ARHGAP24: variants seen among roughly 807,000 people sequenced by gnomAD.
ARHGAP24 encodes rho GTPase-activating protein 24.
In ARHGAP24, 50 loss-of-function variants were observed where a neutral mutation model predicts 76.4. The observed-to-expected ratio is 0.65, with a 90% CI of 0.52 to 0.83. ARHGAP24 has a LOEUF of 0.83. Ranked by LOEUF, ARHGAP24 falls within the 40% of genes least tolerant of loss-of-function variation. The pLI is 0.00. For missense variants in ARHGAP24, 930 were observed against 914.2 expected (o/e 1.02, Z -0.22); for synonymous variants, 345 against 323.3 (o/e 1.07, Z -0.72).
intron 5 of ARHGAP24, among the ~76,000 whole-genome samples, chr4:85,968,613 A>C (rs1164434320): frequency 6.6e-6 from 1 of 152,138 alleles, no homozygotes; most frequent in African/African-American, 2.4e-5. Context: ...GAAACGCCAG[A>C]CTTCCCCATT....
At chr4:85,743,759 G>A (rs1725922267) in intron 3 of ARHGAP24, among the ~76,000 whole-genome samples, 1 of 151,854 alleles carries the variant, frequency 6.6e-6, no homozygotes, top group South Asian at 2.1e-4. Context: ...TGTTATCCTG[G>A]CTCCCTCATT....
chr4:85,671,879 G>A (rs1328440794), intron 2 of ARHGAP24, among the ~76,000 whole-genome samples: 1 of 152,156 alleles, frequency 6.6e-6, no homozygotes, highest in East Asian at 1.9e-4. Context: ...TGGACACTGA[G>A]AAACCTCAAA....
intron 3 of ARHGAP24, among the ~76,000 whole-genome samples, chr4:85,880,682 T>C (rs2601852): frequency 0.99 from 151,112 of 152,210 alleles, 75,022 homozygotes; most frequent in Middle Eastern, 1. Context: ...GCGCCCAACA[T>C]CACGCCCGGC....
chr4:85,907,666 G>A (rs370131155), intron 3 of ARHGAP24, among the ~76,000 whole-genome samples: 13 of 152,234 alleles, frequency 8.5e-5, no homozygotes, highest in East Asian at 7.7e-4. Flanking sequence ...CTTATATTGG[G>A]ATTAGAAATT....
At chr4:85,888,070 G>GGT (rs1733665303) in intron 3 of ARHGAP24, among the ~76,000 whole-genome samples, 1 of 151,836 alleles carries the variant, frequency 6.6e-6, no homozygotes, top group Admixed American at 6.6e-5. Flanking sequence ...GGCCTCATTT[G>GGT]AATTTCTTTG....
Position 85,546,246 on chromosome 4 carries a change from C to A in ARHGAP24, c.-20-24276C>A, listed in dbSNP as rs1725916667. Among the ~76,000 whole-genome samples, 3 of 151,702 alleles carry A rather than the reference C, an allele frequency of 2.0e-5. No homozygotes were observed. The South Asian group carries it at 6.2e-4, about 32-fold the overall frequency. ...TATTATTTATTAAATAAATAAAAAT[C>A]ATATTTCTAACTGAAAGCAAAGAGA... On this transcript the variant is annotated intron_variant, in intron 1 of 9. Transcript: ENST00000395184.
chr4:85,580,798 G>A (rs1011556196), intron 2 of ARHGAP24, among the ~76,000 whole-genome samples: 1 of 152,110 alleles, frequency 6.6e-6, no homozygotes, highest in African/African-American at 2.4e-5. Flanking sequence ...TAGTGGTTCT[G>A]GCCACAGTGA....
intron 1 of ARHGAP24, among the ~76,000 whole-genome samples, chr4:85,504,375 G>A (rs1342530024): frequency 2.0e-5 from 3 of 152,124 alleles, no homozygotes; most frequent in Non-Finnish European, 4.4e-5. Context: ...GGTCACTCAG[G>A]ACTTGCTTTA....
intron 3 of ARHGAP24, among the ~76,000 whole-genome samples, chr4:85,764,233 T>A (rs1726843622): frequency 6.6e-6 from 1 of 152,100 alleles, no homozygotes; most frequent in African/African-American, 2.4e-5. Flanking sequence ...CAATTTTAAA[T>A]TTATTATCAT....
chr4:85,658,995 C>T (rs1466354578), intron 2 of ARHGAP24, among the ~76,000 whole-genome samples: 3 of 152,108 alleles, frequency 2.0e-5, no homozygotes, highest in Non-Finnish European at 2.9e-5. Context: ...GAGCCAAGTC[C>T]GTAGTAACTC....
At chr4:85,486,222 T>C (rs1279739449) in intron 1 of ARHGAP24, among the ~76,000 whole-genome samples, 2 of 152,092 alleles carry the variant, frequency 1.3e-5, no homozygotes, top group African/African-American at 4.8e-5. Flanking sequence ...TCATCAGCTG[T>C]GGTTTTGGGG....
chr4:85,827,516 G>C (rs1423009143), intron 3 of ARHGAP24, among the ~76,000 whole-genome samples: 1 of 126,626 alleles, frequency 7.9e-6, no homozygotes, highest in Non-Finnish European at 1.7e-5. Flanking sequence ...GTGTGTGTGT[G>C]TTTAGAGAGA....
intron 2 of ARHGAP24, among the ~76,000 whole-genome samples, chr4:85,691,923 C>T (rs2110018419): frequency 6.6e-6 from 1 of 152,198 alleles, no homozygotes; most frequent in Non-Finnish European, 1.5e-5. Flanking sequence ...TTTATAGTGT[C>T]TGTGGGCTAT....
At chr4:85,861,513 A>G (rs1731895633) in intron 3 of ARHGAP24, among the ~76,000 whole-genome samples, 2 of 152,088 alleles carry the variant, frequency 1.3e-5, no homozygotes. Flanking sequence ...AGTACCTGTC[A>G]TTCCAGAGGA....
chr4:85,867,898 C>CTT lies in ARHGAP24; in HGVS notation c.269-55750_269-55749insTT, dbSNP rs1732286383. ...TAAACATATATAATGTGTGTGTGTA[C>CTT]ATATATATATACATATATGTACACA... On this transcript the variant is annotated intron_variant, in intron 3 of 9. Coordinates refer to ENST00000395184, the MANE Select transcript of ARHGAP24 (RefSeq NM_001025616.3). Among the ~76,000 whole-genome samples the CTT allele has an allele frequency of 7.9e-4, 84 of 106,736 alleles. 1 individual carries two copies. In the South Asian group the frequency reaches 8.4e-3, roughly 11 times the overall value. 70.0% of individuals were successfully genotyped at this position (106,736 alleles called of 152,430 possible).
intron 8 of ARHGAP24, chr4:85,991,988 A>AGTG (rs755681028): frequency 1.5e-4 from 57 of 393,090 alleles, no homozygotes; most frequent in Non-Finnish European, 2.1e-4. Context: ...TATGATGAAA[A>AGTG]GTGCCTATTA....
chr4:85,634,253 C>T (rs1464252227), intron 2 of ARHGAP24, among the ~76,000 whole-genome samples: 1 of 151,716 alleles, frequency 6.6e-6, no homozygotes, highest in South Asian at 2.1e-4. Context: ...CTTAATATTC[C>T]ATAGAATTCC....
intron 1 of ARHGAP24, among the ~76,000 whole-genome samples, chr4:85,552,623 C>T (rs1326681218): frequency 6.6e-6 from 1 of 152,026 alleles, no homozygotes; most frequent in East Asian, 1.9e-4. Flanking sequence ...GGGGTATTGA[C>T]ATCTCCCGTG....
At chr4:85,780,794 G>A (rs953021049) in intron 3 of ARHGAP24, among the ~76,000 whole-genome samples, 1 of 152,248 alleles carries the variant, frequency 6.6e-6, no homozygotes, top group Non-Finnish European at 1.5e-5. Flanking sequence ...GAGACACTTG[G>A]CTTGTGTCCA....
Sources: allele counts gnomAD v4.1 joint callset (sites outside exome capture counted in the v4.1 genomes callset), GRCh38; gene constraint gnomAD v4.1.1; transcripts MANE v1.5; gene names NCBI Gene and HGNC (gene_info 2026-07-23, HGNC 2026-07-21).